Variants in ZNF385D observed in about 807,000 individuals in gnomAD.
ZNF385D encodes zinc finger protein 659.
In ZNF385D, 15 loss-of-function variants were observed where a neutral mutation model predicts 35.8. The observed-to-expected ratio is 0.42, with a 90% CI of 0.28 to 0.64. The LOEUF is 0.64. ZNF385D is among the 30% of genes least tolerant of loss of function. The pLI is 0.23. For missense variants in ZNF385D, 474 were observed against 494.6 expected (o/e 0.96, Z 0.39); for synonymous variants, 212 against 186.8 (o/e 1.13, Z -1.10).
intron 1 of ZNF385D, among the ~76,000 whole-genome samples, chr3:21,693,866 G>C (rs1049051837): frequency 2.0e-5 from 3 of 146,776 alleles, no homozygotes; most frequent in Non-Finnish European, 3.0e-5. Context: ...AATCTTTTTA[G>C]AAAATCTTTT....
chr3:22,032,630 T>C (rs921130667), intron 3 of ZNF385D, among the ~76,000 whole-genome samples: 8 of 152,114 alleles, frequency 5.3e-5, no homozygotes, highest in African/African-American at 1.9e-4. Flanking sequence ...AGCGCTAAGG[T>C]TAACATAGAT....
rs753590646 is a variant in ZNF385D, at chr3:21,510,983, T to C, written c.317A>G (p.Lys106Arg). ...AAHYKGTKHA[K>R]KLKALEAMKN... ...CATGGCTTCCAGTGCTTTGAGCTTCTTGGCATGTTTCGTGCCTTTGTAGTG... is the reference window on the plus strand; with the variant it reads ...CATGGCTTCCAGTGCTTTGAGCTTCCTGGCATGTTTCGTGCCTTTGTAGTG... Residue 106 changes from lysine to arginine, a missense_variant, in exon 4 of 8, where the codon AAG (lysine) becomes AGG (arginine). Coordinates refer to ENST00000281523, the MANE Select transcript of ZNF385D (RefSeq NM_024697.3). The C allele has an allele frequency of 6.2e-7, 1 of 1,614,164 alleles. No homozygotes were observed. The highest frequency in any genetic ancestry group is 1.7e-5 in the Admixed American group (1 of 60,014).
At chr3:22,029,654 TTTTC>T (rs1425636586) in intron 3 of ZNF385D, among the ~76,000 whole-genome samples, 1 of 152,228 alleles carries the variant, frequency 6.6e-6, no homozygotes, top group African/African-American at 2.4e-5. Flanking sequence ...TTTATTTCCT[TTTTC>T]TTTATCACGT....
chr3:21,492,099 C>A (rs1705466731), intron 4 of ZNF385D, among the ~76,000 whole-genome samples: 1 of 152,010 alleles, frequency 6.6e-6, no homozygotes, highest in Admixed American at 6.6e-5. Context: ...GGAAGTGACA[C>A]ATTATAATAA....
At chr3:22,314,377 GT>G (rs1466562279) in intron 2 of ZNF385D, among the ~76,000 whole-genome samples, 1 of 152,042 alleles carries the variant, frequency 6.6e-6, no homozygotes, top group Non-Finnish European at 1.5e-5. Context: ...TTGATGTTTG[GT>G]TTTCCATTCC....
intron 3 of ZNF385D, among the ~76,000 whole-genome samples, chr3:21,908,700 A>G (rs184419005): frequency 6.6e-6 from 1 of 152,056 alleles, no homozygotes; most frequent in South Asian, 2.1e-4. Context: ...GGGAAAGAAA[A>G]CAGCATGGGC....
At chr3:21,908,852 A>G (rs1424593656) in intron 3 of ZNF385D, among the ~76,000 whole-genome samples, 5 of 152,114 alleles carry the variant, frequency 3.3e-5, no homozygotes, top group Non-Finnish European at 5.9e-5. Flanking sequence ...TTACATGTCA[A>G]TGTTATGACA....
intron 3 of ZNF385D, among the ~76,000 whole-genome samples, chr3:22,095,654 G>A (rs1386821665): frequency 7.7e-6 from 1 of 129,152 alleles, no homozygotes; most frequent in Non-Finnish European, 1.8e-5. Flanking sequence ...TCTATTGCAG[G>A]AAATTGATTT....
At chr3:21,774,004 GA>G (rs2071187138) in intron 3 of ZNF385D, among the ~76,000 whole-genome samples, 1 of 151,966 alleles carries the variant, frequency 6.6e-6, no homozygotes, top group African/African-American at 2.4e-5. Context: ...CAATAGTCAA[GA>G]CATGGAGTCA....
chr3:21,723,046 A>C (rs534149644), intron 1 of ZNF385D, among the ~76,000 whole-genome samples: 14 of 152,296 alleles, frequency 9.2e-5, no homozygotes, highest in African/African-American at 3.1e-4. Flanking sequence ...TGCTCATGTT[A>C]GGCCCCAGGC....
At position 21,517,195 on chromosome 3, in the gene ZNF385D, C is replaced by T. The variant is rs181769026; in HGVS notation, c.277-6172G>A. On this transcript the variant is annotated intron_variant, in intron 3 of 7. Transcript: ENST00000281523. ...TCAGCCCACAGTTAAACTGCTGACCCCTCAAAGTTATAAAGACATATATGG... is the reference window on the plus strand; with the variant it reads ...TCAGCCCACAGTTAAACTGCTGACCTCTCAAAGTTATAAAGACATATATGG... Among the ~76,000 whole-genome samples, 254 of 151,952 alleles carry T rather than the reference C, an allele frequency of 1.7e-3. 2 individuals are homozygous for T. Among genetic ancestry groups the T allele is most frequent in the East Asian group, 0.012 (64 of 5,146 alleles).
intron 2 of ZNF385D, among the ~76,000 whole-genome samples, chr3:21,638,971 G>A (rs2065524583): frequency 6.6e-6 from 1 of 151,890 alleles, no homozygotes; most frequent in South Asian, 2.1e-4. Context: ...AGTATAAAAA[G>A]CAGTTTTTAA....
At chr3:21,582,879 G>A (rs1269590639) in intron 2 of ZNF385D, among the ~76,000 whole-genome samples, 1 of 152,050 alleles carries the variant, frequency 6.6e-6, no homozygotes, top group Non-Finnish European at 1.5e-5. Flanking sequence ...CTAGGTTCAA[G>A]CAATTCTCCT....
chr3:21,774,000 T>G (rs13089056), intron 3 of ZNF385D, among the ~76,000 whole-genome samples: 2 of 151,578 alleles, frequency 1.3e-5, no homozygotes, highest in Admixed American at 1.3e-4. Context: ...TTCACAATAG[T>G]CAAGACATGG....
chr3:21,575,310 A>G (rs113743216), intron 2 of ZNF385D, among the ~76,000 whole-genome samples: 6 of 152,280 alleles, frequency 3.9e-5, no homozygotes, highest in African/African-American at 1.4e-4. Flanking sequence ...GAGGTACACA[A>G]AAAGTCTTAC....
At chr3:21,835,937 G>A (rs1486297731) in intron 3 of ZNF385D, among the ~76,000 whole-genome samples, 1 of 151,872 alleles carries the variant, frequency 6.6e-6, no homozygotes, top group African/African-American at 2.4e-5. Context: ...ATCATGAAGT[G>A]CCTTAATAAG....
At chr3:21,995,961 C>A (rs554850814) in intron 3 of ZNF385D, among the ~76,000 whole-genome samples, 1 of 152,166 alleles carries the variant, frequency 6.6e-6, no homozygotes, top group Non-Finnish European at 1.5e-5. Flanking sequence ...TGCTGGGGAC[C>A]TGGCTGCACC....
At chr3:21,907,193 T>A (rs1220021063) in intron 3 of ZNF385D, among the ~76,000 whole-genome samples, 2 of 152,164 alleles carry the variant, frequency 1.3e-5, no homozygotes, top group African/African-American at 4.8e-5. Flanking sequence ...CCTTAATAGA[T>A]GTATAATAAA....
At chr3:22,105,583 T>G (rs1435931334) in intron 3 of ZNF385D, among the ~76,000 whole-genome samples, 1 of 152,110 alleles carries the variant, frequency 6.6e-6, no homozygotes, top group Non-Finnish European at 1.5e-5. Flanking sequence ...GCCAGAGAGC[T>G]GATGGTGTAG....
Sources: gnomAD v4.1 joint callset for allele counts (sites outside exome capture counted in the v4.1 genomes callset) on GRCh38, gnomAD v4.1.1 for gene constraint, MANE v1.5 for transcripts, NCBI Gene and HGNC (gene_info 2026-07-23, HGNC 2026-07-21) for gene names.